SORBS3: variants seen among roughly 807,000 people sequenced by gnomAD.
SORBS3 encodes the protein vinexin.
Under a neutral mutation model 98.0 loss-of-function variants are expected in SORBS3, and 69 were observed. The observed-to-expected ratio is 0.70, with a 90% CI of 0.58 to 0.86. SORBS3 has a LOEUF of 0.86. SORBS3 is among the 40% of genes least tolerant of loss of function. The pLI, the probability that SORBS3 is intolerant of heterozygous loss-of-function variation, is 0.00. For missense variants in SORBS3, 954 were observed against 908.5 expected (o/e 1.05, Z -0.64); for synonymous variants, 394 against 355.4 (o/e 1.11, Z -1.22).
rs1359598618 is a variant in SORBS3, at chr8:22,565,355, G to C, written c.903+1G>C. 3.2e-6 allele frequency: 5 copies of C among 1,549,336 alleles called. No individual in the cohort carries two copies. The highest frequency in any genetic ancestry group is 4.4e-6 in the Non-Finnish European group (5 of 1,146,884). On this transcript the variant is annotated splice_donor_variant, in intron 11 of 20. Coordinates refer to ENST00000240123, the MANE Select transcript of SORBS3 (RefSeq NM_005775.5). LOFTEE classifies it high-confidence loss of function. ...TGAGACCCGACTGCCGTCCCCCAAG[G>C]TACCAGCCCCCAGGGTTCACCCGCG...
intron 10 of SORBS3, 129 bp downstream of exon 10, chr8:22,564,650 C>A: frequency 7.0e-7 from 1 of 1,418,824 alleles, no homozygotes; most frequent in Non-Finnish European, 9.6e-7. Context: ...TGGTTTATTT[C>A]TGTAATGCCA....
upstream of SORBS3, among the ~76,000 whole-genome samples, chr8:22,551,058 C>A (rs1840071580): frequency 6.6e-6 from 1 of 152,188 alleles, no homozygotes; most frequent in South Asian, 2.1e-4. The surrounding 1 kb of genome is among the most constrained non-coding windows in gnomAD (Gnocchi z 5.8). Context: ...GCGAGAACAG[C>A]GGAAAAGCAG....
Position 22,561,749 on chromosome 8 carries a change from AC to A in SORBS3, c.518-113del. ...ACCAACCACCCTGCCCCCACCATCC[AC>A]CCAGGAGCAAGGGGGTGGTGCTGAA... On this transcript the variant is annotated intron_variant, in intron 6 of 20. Transcript: ENST00000240123. 6.6e-6 allele frequency: 6 copies of A among 915,800 alleles called. No individual in the cohort carries two copies. In the Middle Eastern group the frequency reaches 1.1e-3, roughly 165 times the overall value. 56.7% of individuals were successfully genotyped at this position (915,800 alleles called of 1,614,324 possible).
rs755279902 is a variant in SORBS3, at chr8:22,569,289, G to C, written c.1431+16G>C. 1.9e-6 allele frequency: 3 copies of C among 1,573,944 alleles called. No homozygotes were observed. In the South Asian group the frequency reaches 3.5e-5, roughly 18 times the overall value. On this transcript the variant is annotated intron_variant, in intron 17 of 20. Transcript: ENST00000240123. ...CTTCCGCAAGGTGGGCCAGGCCGGA[G>C]ACGGAGGGGTGGGTGGGGGCAGGTG...
At chr8:22,552,816 T>C (rs964193766) in intron 1 of SORBS3, among the ~76,000 whole-genome samples, 1 of 151,994 alleles carries the variant, frequency 6.6e-6, no homozygotes, top group Admixed American at 6.5e-5. Context: ...CTGCCTCAAC[T>C]CCCCCCCGCA....
intron 1 of SORBS3, among the ~76,000 whole-genome samples, chr8:22,545,950 A>C (rs1840011522): frequency 1.3e-5 from 2 of 152,204 alleles, no homozygotes; most frequent in Admixed American, 6.5e-5. Flanking sequence ...TAGTTCTGTC[A>C]GCAGGCATTT....
At chr8:22,547,601 TA>T (rs1840029541), upstream of SORBS3, among the ~76,000 whole-genome samples, 1 of 152,224 alleles carries the variant, frequency 6.6e-6, no homozygotes, top group Non-Finnish European at 1.5e-5. Context: ...GATGCAGACC[TA>T]ATTTCCCAGC....
chr8:22,571,334 G>C, intron 18 of SORBS3, 113 bp downstream of exon 18: 1 of 667,808 alleles, frequency 1.5e-6, no homozygotes, highest in Non-Finnish European at 2.5e-6. Flanking sequence ...GGACATAGGA[G>C]TGGGGTGACA....
chr8:22,565,916 G>A (rs1022094643), intron 12 of SORBS3, 44 bp downstream of exon 12: 13 of 1,195,376 alleles, frequency 1.1e-5, no homozygotes, highest in African/African-American at 9.5e-5. Context: ...GTCCCAGGCC[G>A]GGCGGGAGGG....
intron 16 of SORBS3, among the ~76,000 whole-genome samples, chr8:22,568,067 G>A (rs1840472804): frequency 6.6e-6 from 1 of 152,050 alleles, no homozygotes; most frequent in African/African-American, 2.4e-5. Context: ...GGCCTGGCTG[G>A]TCTCGAACTC....
At chr8:22,565,738 C>A (rs1312938723) in intron 11 of SORBS3, 88 bp from the exon 12 acceptor site, 1 of 1,271,990 alleles carries the variant, frequency 7.9e-7, no homozygotes, top group South Asian at 2.5e-5. Flanking sequence ...CCTCCCCTCC[C>A]GAGCCGCGAA....
intron 16 of SORBS3, among the ~76,000 whole-genome samples, chr8:22,568,747 G>A (rs753125641): frequency 5.3e-5 from 8 of 152,152 alleles, no homozygotes; most frequent in Non-Finnish European, 8.8e-5. Flanking sequence ...AGGGACACCC[G>A]GTTCTCAGCA....
chr8:22,564,372 G>C lies in SORBS3; in HGVS notation c.762+3G>C, dbSNP rs1411087815. On this transcript the variant is annotated splice_donor_region_variant and intron_variant, in intron 9 of 20. Transcript: ENST00000240123. ...AGGAACTAGAGACTGGGCAGAGGGT[G>C]AGTGCTGGCTGGCTCTCGGGGTGTG... is the stretch of plus-strand genomic sequence containing the variant. The C allele has an allele frequency of 1.2e-6, 2 of 1,614,062 alleles. No homozygotes were observed. The highest frequency in any genetic ancestry group is 1.3e-5 in the African/African-American group (1 of 75,068).
chr8:22,561,207 C>CT, intron 5 of SORBS3, 128 bp from the exon 6 acceptor site: 1 of 861,104 alleles, frequency 1.2e-6, no homozygotes, highest in Non-Finnish European at 1.8e-6. Flanking sequence ...TTGGGACATT[C>CT]TTCAGGCCCT....
Position 22,575,079 on chromosome 8 carries a change from C to G in SORBS3, c.*351C>G, listed in dbSNP as rs1355301407. On this transcript the variant is annotated 3_prime_UTR_variant, in exon 21 of 21. Transcript: ENST00000240123. ...GTTTCCTCTAACAGGGACCAGCTCT[C>G]CGCTTTGCCCCCACGGGGTTCCTCT... 2 of 435,640 alleles carry G rather than the reference C, an allele frequency of 4.6e-6. No homozygotes were observed. The highest frequency in any genetic ancestry group is 6.0e-5 in the East Asian group (1 of 16,560). 27.0% of individuals were successfully genotyped at this position (435,640 alleles called of 1,614,324 possible). A position where few individuals can be genotyped will look rare whatever the true frequency, so the allele number is the denominator to read the frequency against.
chr8:22,561,901 A>G lies in SORBS3; in HGVS notation c.554A>G (p.His185Arg). ...CTAGGAGCCCAGCAAAGACCTGCCC[A>G]CAGGCCCGGCCCGGCAACATCTTCC... The part of the protein sequence containing the change: ...RHLGAQQRPA[H>R]RPGPATSSSG... Residue 185 changes from histidine (H) to arginine (R), a missense_variant, in exon 7 of 21, where the codon CAC becomes CGC. Physicochemically the swap from His to Arg is conservative, Grantham distance 29 (BLOSUM62 0). Coordinates refer to ENST00000240123, the MANE Select transcript of SORBS3 (RefSeq NM_005775.5). 1.9e-6 allele frequency: 3 copies of G among 1,614,084 alleles called. No homozygotes were observed. The highest frequency in any genetic ancestry group is 1.7e-5 in the Admixed American group (1 of 60,028).
Position 22,564,083 on chromosome 8 carries a change from C to T in SORBS3, c.675+6C>T. On this transcript the variant is annotated splice_donor_region_variant and intron_variant, in intron 8 of 20. Transcript: ENST00000240123. ...TGCTGCAGCCCTCAAATCAGGTAGC[C>T]CACCCAGCATAGTCCCTGGTCAGCC... 1 of 1,612,996 alleles carries T rather than the reference C, an allele frequency of 6.2e-7. No individual in the cohort carries two copies. The highest frequency in any genetic ancestry group is 8.5e-7 in the Non-Finnish European group (1 of 1,179,572).
Position 22,554,710 on chromosome 8 carries a change from G to A in SORBS3, c.102+102G>A. The stretch of plus-strand genomic sequence containing the variant: ...GGAGGATGAAAGGGATGGAGGGAGG[G>A]CTGAAGAGAGCTCTGGGGGGCCTCG... On this transcript the variant is annotated intron_variant, in intron 2 of 20. Coordinates refer to ENST00000240123, the MANE Select transcript of SORBS3 (RefSeq NM_005775.5). The surrounding 1 kb of genome is among the most constrained non-coding windows in gnomAD (Gnocchi z 6.5). The A allele has an allele frequency of 1.4e-6, 2 of 1,401,614 alleles. No individual in the cohort carries two copies. The allele number at this position is 1,401,614 out of a possible 1,614,324, so 86.8% of individuals were successfully genotyped here. A position where few individuals can be genotyped will look rare whatever the true frequency, so the allele number is the denominator to read the frequency against.
chr8:22,572,805 G>T (rs1024650613), intron 20 of SORBS3, among the ~76,000 whole-genome samples: 3 of 152,196 alleles, frequency 2.0e-5, no homozygotes, highest in Non-Finnish European at 1.5e-5. Context: ...AAGGACCAGG[G>T]CTCACACTTG....
Sources: gnomAD v4.1 joint callset for allele counts (sites outside exome capture counted in the v4.1 genomes callset) on GRCh38, gnomAD v4.1.1 for gene constraint, Gnocchi (gnomAD v3.1) non-coding constraint, MANE v1.5 for transcripts, NCBI Gene and HGNC (gene_info 2026-07-23, HGNC 2026-07-21) for gene names.